Variants in ARHGAP25 observed in about 807,000 individuals in gnomAD.
ARHGAP25 encodes the protein Rho GTPase activating protein 25, also known as rho GTPase-activating protein 25.
Under a neutral mutation model 71.0 loss-of-function variants are expected in ARHGAP25, and 34 were observed. That is an observed-to-expected ratio of 0.48 (90% CI 0.36 to 0.64). The LOEUF is 0.64. Among genes scored for constraint, ARHGAP25 ranks in the 30% least tolerant of loss-of-function variants. The probability of loss-of-function intolerance (pLI) is 0.00; values close to 1 mark genes in which losing one functional copy is unlikely to be tolerated. For missense variants in ARHGAP25, 706 were observed against 805.1 expected (o/e 0.88, Z 1.49); for synonymous variants, 282 against 296.5 (o/e 0.95, Z 0.50).
intron 1 of ARHGAP25, among the ~76,000 whole-genome samples, chr2:68,759,834 A>G (rs1193051899): frequency 1.3e-5 from 2 of 152,034 alleles, no homozygotes; most frequent in Admixed American, 1.3e-4. Flanking sequence ...AAGAAGGGAA[A>G]CTTCCCAACT....
chr2:68,797,219 G>A (rs1048821881), intron 4 of ARHGAP25, among the ~76,000 whole-genome samples: 1 of 152,176 alleles, frequency 6.6e-6, no homozygotes, highest in African/African-American at 2.4e-5. Flanking sequence ...CCTTGATTAG[G>A]GGGTAGAGGA....
chr2:68,813,007 G>A (rs527270297), intron 5 of ARHGAP25, among the ~76,000 whole-genome samples: 4 of 152,270 alleles, frequency 2.6e-5, no homozygotes, highest in South Asian at 4.1e-4. Context: ...CAATAAAGAC[G>A]AAAATCATTA....
upstream of ARHGAP25, among the ~76,000 whole-genome samples, chr2:68,730,446 C>A (rs1411762228): frequency 6.6e-6 from 1 of 152,062 alleles, no homozygotes; most frequent in Non-Finnish European, 1.5e-5. Context: ...GAGCTTGAGA[C>A]CAGCCTGGGC....
At chr2:68,773,595 C>T (rs1016208168) in intron 1 of ARHGAP25, among the ~76,000 whole-genome samples, 1 of 152,182 alleles carries the variant, frequency 6.6e-6, no homozygotes, top group Non-Finnish European at 1.5e-5. Context: ...AACCCAATCC[C>T]CACCATTAGG....
chr2:68,790,642 C>T (rs1360989997), intron 4 of ARHGAP25, among the ~76,000 whole-genome samples: 1 of 152,172 alleles, frequency 6.6e-6, no homozygotes, highest in Non-Finnish European at 1.5e-5. Flanking sequence ...GAGCCTGCCC[C>T]CTTCCCACCA....
rs1558655508 is a variant in ARHGAP25 at position 68,810,726 on chromosome 2, C to CTT, written c.675-2560_675-2559dup. Among the ~76,000 whole-genome samples the CTT allele has an allele frequency of 1.5e-4, 19 of 124,118 alleles. 1 individual carries two copies. The highest frequency in any genetic ancestry group is 2.7e-4 in the South Asian group (1 of 3,688). 81.4% of individuals were successfully genotyped at this position (124,118 alleles called of 152,430 possible). On this transcript the variant is annotated intron_variant, in intron 5 of 10. Transcript: ENST00000409202. ...CAAAAGATCCAATTTCTTTTCTTTT[C>CTT]TTCTCTTTTTTTTTTTTTTTTTTTT...
chr2:68,778,975 C>T (rs1317162276), intron 2 of ARHGAP25, among the ~76,000 whole-genome samples: 1 of 152,146 alleles, frequency 6.6e-6, no homozygotes, highest in Admixed American at 6.5e-5. Context: ...TTTATATAAA[C>T]CATTCTAGAG....
chr2:68,749,459 C>T (rs1266809659), intron 1 of ARHGAP25, among the ~76,000 whole-genome samples: 1 of 152,220 alleles, frequency 6.6e-6, no homozygotes, highest in Non-Finnish European at 1.5e-5. Flanking sequence ...CTCTTACCTC[C>T]CTTTCAAGCC....
Position 68,822,654 on chromosome 2 carries a change from C to T in ARHGAP25, c.1515C>T (p.Asn505=), listed in dbSNP as rs116278547. The T allele has an allele frequency of 9.1e-4, 1,475 of 1,614,116 alleles. 9 individuals carry two copies. The African/African-American group carries it at 0.016, about 18-fold the overall frequency. Residue 505 remains asparagine, a synonymous_variant, in exon 10 of 11, where the codon AAC becomes AAT. Transcript: ENST00000409202. ...CCCAACGGACTTCCACCTACGATAA[C>T]GTCCCTTCCCTGCCAGGGTCCCCTG... ...SDSQRTSTYD[N]VPSLPGSPGE...
At position 68,826,377 on chromosome 2, in the gene ARHGAP25, G is replaced by A; in HGVS notation, c.*183G>A. 1.4e-6 allele frequency: 1 copy of A among 706,410 alleles called. No individual in the cohort carries two copies. The highest frequency in any genetic ancestry group is 2.6e-6 in the Non-Finnish European group (1 of 391,638). The allele number at this position is 706,410 out of a possible 1,614,324, so 43.8% of individuals were successfully genotyped here. A position where few individuals can be genotyped will look rare whatever the true frequency, so the allele number is the denominator to read the frequency against. On this transcript the variant is annotated 3_prime_UTR_variant, in exon 11 of 11. Coordinates refer to ENST00000409202, the MANE Select transcript of ARHGAP25 (RefSeq NM_001007231.3). ...CAGGAAGGTGAGGGTGAGCAGAGAT[G>A]TGTGTGGACATCTCTGACCATCCAT...
intron 2 of ARHGAP25, among the ~76,000 whole-genome samples, chr2:68,721,559 C>G (rs1350138101): frequency 6.6e-6 from 1 of 152,218 alleles, no homozygotes; most frequent in Non-Finnish European, 1.5e-5. Context: ...CAGGTTCCCA[C>G]CAGCTCCTCC....
At chr2:68,809,146 C>G (rs1334883879) in intron 5 of ARHGAP25, among the ~76,000 whole-genome samples, 1 of 152,050 alleles carries the variant, frequency 6.6e-6, no homozygotes, top group Non-Finnish European at 1.5e-5. Flanking sequence ...TAGGAGAGAC[C>G]AGGTCTTCTC....
intron 2 of ARHGAP25, among the ~76,000 whole-genome samples, chr2:68,719,998 A>T (rs1398286973): frequency 6.6e-6 from 1 of 152,206 alleles, no homozygotes; most frequent in African/African-American, 2.4e-5. Flanking sequence ...GTCCATGCTT[A>T]AAGATTTCCT....
intron 2 of ARHGAP25, among the ~76,000 whole-genome samples, chr2:68,716,650 T>C (rs150123565): frequency 6.6e-6 from 1 of 152,330 alleles, no homozygotes; most frequent in African/African-American, 2.4e-5. Context: ...CACAAGCAGA[T>C]TGAGAATGTA....
chr2:68,817,520 G>C lies in ARHGAP25; in HGVS notation c.882-353G>C, dbSNP rs141530370. Among the ~76,000 whole-genome samples, 267 of 152,280 alleles carry C rather than the reference G, an allele frequency of 1.8e-3. 1 individual carries two copies. In the Middle Eastern group the frequency reaches 0.041, roughly 23 times the overall value. On this transcript the variant is annotated intron_variant, in intron 7 of 10. Transcript: ENST00000409202. ...GAGACTTGGGTGGGATGAGTGCTGA[G>C]AGCTGGGAGATAAGCCTATCAAGGC...
chr2:68,719,023 T>C (rs1395022909), intron 2 of ARHGAP25, among the ~76,000 whole-genome samples: 1 of 152,160 alleles, frequency 6.6e-6, no homozygotes, highest in Non-Finnish European at 1.5e-5. Flanking sequence ...TGGAGAGCTC[T>C]GGGGTTGGTA....
At chr2:68,779,081 G>C (rs967585322) in intron 2 of ARHGAP25, among the ~76,000 whole-genome samples, 12 of 152,196 alleles carry the variant, frequency 7.9e-5, no homozygotes, top group African/African-American at 2.9e-4. Context: ...TAGTAGTAGG[G>C]TAGACCCGTG....
At chr2:68,728,642 A>G (rs1410636400) in intron 2 of ARHGAP25, among the ~76,000 whole-genome samples, 1 of 152,194 alleles carries the variant, frequency 6.6e-6, no homozygotes, top group Non-Finnish European at 1.5e-5. Flanking sequence ...CACACCTGTA[A>G]TTCCAGCACT....
intron 2 of ARHGAP25, among the ~76,000 whole-genome samples, chr2:68,780,465 A>G (rs1032238526): frequency 6.6e-6 from 1 of 152,224 alleles, no homozygotes; most frequent in Non-Finnish European, 1.5e-5. Flanking sequence ...TTCTGAAGGC[A>G]TGGATGTGAT....
Sources: gnomAD v4.1 joint callset for allele counts (sites outside exome capture counted in the v4.1 genomes callset) on GRCh38, gnomAD v4.1.1 for gene constraint, MANE v1.5 for transcripts, NCBI Gene and HGNC (gene_info 2026-07-23, HGNC 2026-07-21) for gene names.